Variants in SMCHD1 observed in about 807,000 individuals in gnomAD.
SMCHD1 encodes the protein structural maintenance of chromosomes flexible hinge domain containing 1.
Under a neutral mutation model 254.7 loss-of-function variants are expected in SMCHD1, and 78 were observed. The observed-to-expected ratio is 0.31, with a 90% CI of 0.26 to 0.37. The LOEUF (loss-of-function observed/expected upper bound fraction) is 0.37, where lower values mean the gene tolerates loss of function less well. Ranked by LOEUF, SMCHD1 falls within the 10% of genes least tolerant of loss-of-function variation. The pLI, the probability that SMCHD1 is intolerant of heterozygous loss-of-function variation, is 1.00. For synonymous variants in SMCHD1, 766 were observed against 794.9 expected (o/e 0.96, Z 0.61); for missense variants, 1,840 against 2,408.1 (o/e 0.76, Z 4.94).
In SMCHD1 at chr18:2,803,657, G is replaced by C. The variant is rs886494826; in HGVS notation, c.*1105G>C. The C allele has an allele frequency of 2.0e-5, 3 of 149,868 alleles. No individual in the cohort carries two copies. The highest frequency in any genetic ancestry group is 7.4e-5 in the African/African-American group (3 of 40,738). The allele number at this position is 149,868 out of a possible 1,614,324, so 9.3% of individuals were successfully genotyped here. On this transcript the variant is annotated 3_prime_UTR_variant, in exon 48 of 48. Transcript: ENST00000320876. ...TTTTAAAATTGGAAGCTTCATAAAA[G>C]TTATCTTGTTAAAAAACGATGATGA... is the stretch of plus-strand genomic sequence containing the variant.
intron 5 of SMCHD1, among the ~76,000 whole-genome samples, chr18:2,676,775 TAC>T (rs745465819): frequency 3.9e-5 from 6 of 152,052 alleles, no homozygotes; most frequent in East Asian, 1.9e-4. Flanking sequence ...TCTACACACT[TAC>T]ACACACACAC....
intron 1 of SMCHD1, among the ~76,000 whole-genome samples, chr18:2,657,500 GT>G (rs1379154452): frequency 2.6e-5 from 4 of 152,094 alleles, no homozygotes; most frequent in Non-Finnish European, 4.4e-5. Context: ...CGTTTATTGT[GT>G]TTATAGTAAA....
At chr18:2,750,528 A>C (rs771821086) in intron 32 of SMCHD1, 21 bp downstream of exon 32, 19 of 1,555,024 alleles carry the variant, frequency 1.2e-5, no homozygotes, top group Non-Finnish European at 1.5e-5. Flanking sequence ...CACATACATA[A>C]ATAAATCTAT....
intron 19 of SMCHD1, among the ~76,000 whole-genome samples, chr18:2,719,734 G>T (rs1317650057): frequency 4.7e-5 from 7 of 150,290 alleles, no homozygotes; most frequent in African/African-American, 1.7e-4. Context: ...GGAGTGCAAT[G>T]GTGTGATCTC....
rs2076208091 is a variant in SMCHD1 at position 2,784,431 on chromosome 18, A to G, written c.5548-19A>G. The G allele has an allele frequency of 1.3e-6, 2 of 1,586,664 alleles. No homozygotes were observed. Among genetic ancestry groups the G allele is most frequent in the Non-Finnish European group, 1.7e-6 (2 of 1,167,442 alleles). ...TGAAATAAGTTGCTCACTACTTACT[A>G]TTCACTTATTTACAATAGGTTGTTA... On this transcript the variant is annotated intron_variant, in intron 44 of 47. Transcript: ENST00000320876.
chr18:2,802,005 C>G (rs1349602281), intron 47 of SMCHD1, among the ~76,000 whole-genome samples: 1 of 151,966 alleles, frequency 6.6e-6, no homozygotes, highest in Non-Finnish European at 1.5e-5. Flanking sequence ...TATGTATCAT[C>G]TTCTATTTGG....
rs755255499 is a variant in SMCHD1, at chr18:2,656,224, G to A, written c.149G>A (p.Arg50His). The A allele has an allele frequency of 1.3e-6, 2 of 1,503,576 alleles. No homozygotes were observed. The highest frequency in any genetic ancestry group is 8.8e-7 in the Non-Finnish European group (1 of 1,134,826). The allele number at this position is 1,503,576 out of a possible 1,614,324, so 93.1% of individuals were successfully genotyped here. ...GACCGGCCTCTGCAGGTCGGGGAGC[G>A]CTCGGACTACGCGGGATTTCGCGCG... ...LGDRPLQVGE[R>H]SDYAGFRACV... Residue 50 changes from arginine to histidine, a missense_variant, in exon 1 of 48, where the codon CGC becomes CAC. Around this residue, in one of 9 missense-constraint regions of SMCHD1, gnomAD observed 115 missense variants for 99.1 expected, o/e 1.16. Coordinates refer to ENST00000320876, the MANE Select transcript of SMCHD1 (RefSeq NM_015295.3).
intron 47 of SMCHD1, among the ~76,000 whole-genome samples, chr18:2,798,502 A>G (rs1375192290): frequency 3.9e-5 from 6 of 152,166 alleles, no homozygotes; most frequent in Admixed American, 2.0e-4. Context: ...TGACTGTGAA[A>G]ATTTATGTAT....
At chr18:2,794,678 A>T (rs752981987) in intron 45 of SMCHD1, among the ~76,000 whole-genome samples, 2 of 152,170 alleles carry the variant, frequency 1.3e-5, no homozygotes, top group Non-Finnish European at 2.9e-5. Context: ...TTCAAAATTT[A>T]TTTTTATGGC....
intron 17 of SMCHD1, among the ~76,000 whole-genome samples, chr18:2,713,407 C>T (rs564913951): frequency 6.6e-6 from 1 of 152,204 alleles, no homozygotes; most frequent in South Asian, 2.1e-4. Flanking sequence ...GAACATGTTT[C>T]TTTCTCTATT....
chr18:2,762,017 A>C (rs1027627910), intron 35 of SMCHD1, 88 bp from the exon 36 acceptor site: 17 of 966,800 alleles, frequency 1.8e-5, no homozygotes, highest in Non-Finnish European at 2.6e-5. Flanking sequence ...AATTTTATTT[A>C]GTATGTGCCA....
rs979677378 is a variant in SMCHD1 at position 2,730,176 on chromosome 18, A to G, written c.3048+767A>G. Among the ~76,000 whole-genome samples, 19 of 151,120 alleles carry G rather than the reference A, an allele frequency of 1.3e-4. No homozygotes were observed. The South Asian group carries it at 1.3e-3, about 10-fold the overall frequency. The stretch of plus-strand genomic sequence containing the variant: ...ACACAAAGGGATTTTTTTTATTTCT[A>G]TTTATATTTTTTGAGATGGAATCTT... On this transcript the variant is annotated intron_variant, in intron 24 of 47. Coordinates refer to ENST00000320876, the MANE Select transcript of SMCHD1 (RefSeq NM_015295.3).
rs2075987386 is a variant in SMCHD1, at chr18:2,771,694, T to G, written c.5052+76T>G. ...AATTTTCTCAATTATTCAGTTTTTATTAGGAATTCTGAGTATTGTTGTTTT... is the reference window on the plus strand; with the variant it reads ...AATTTTCTCAATTATTCAGTTTTTAGTAGGAATTCTGAGTATTGTTGTTTT... On this transcript the variant is annotated intron_variant, in intron 40 of 47. Transcript: ENST00000320876. 3.4e-6 allele frequency: 4 copies of G among 1,167,610 alleles called. No individual in the cohort carries two copies. In the African/African-American group the frequency reaches 6.4e-5, roughly 19 times the overall value. 72.3% of individuals were successfully genotyped at this position (1,167,610 alleles called of 1,614,324 possible).
Position 2,762,230 on chromosome 18 carries a change from T to C in SMCHD1, c.4560T>C (p.Ser1520=), listed in dbSNP as rs747452922. The C allele has an allele frequency of 1.9e-6, 3 of 1,613,362 alleles. No individual in the cohort carries two copies. The highest frequency in any genetic ancestry group is 4.5e-5 in the East Asian group (2 of 44,840). Residue 1520 remains serine (S), a synonymous_variant, in exon 36 of 48, where the codon AGT becomes AGC. Transcript: ENST00000320876. ...SRTLVRDLHL[S]ITDDYDNHTG... ...CCTTGGTCAGAGATCTACATCTTAG[T>C]ATCACGGTAATGTTTATTTTCTTCC...
chr18:2,668,896 G>A (rs983190375), intron 3 of SMCHD1, among the ~76,000 whole-genome samples: 4 of 151,794 alleles, frequency 2.6e-5, no homozygotes, highest in East Asian at 1.9e-4. Flanking sequence ...CTTGACTTTC[G>A]AGGGTCCATA....
intron 15 of SMCHD1, 174 bp from the exon 16 acceptor site, chr18:2,707,389 A>T: frequency 2.7e-6 from 1 of 374,902 alleles, no homozygotes; most frequent in Non-Finnish European, 4.8e-6. Flanking sequence ...CAGTAGCCAC[A>T]GGAATGGTTA....
chr18:2,765,832 C>CT (rs2075856882), intron 37 of SMCHD1, among the ~76,000 whole-genome samples: 1 of 152,038 alleles, frequency 6.6e-6, no homozygotes, highest in African/African-American at 2.4e-5. Context: ...TTCTTGTGCT[C>CT]TAACAAAAAT....
intron 5 of SMCHD1, among the ~76,000 whole-genome samples, chr18:2,682,436 C>T (rs182553703): frequency 3.3e-5 from 5 of 152,036 alleles, no homozygotes; most frequent in Admixed American, 1.3e-4. Context: ...AGCAGTCCTG[C>T]CTCAGCCACC....
chr18:2,707,687 C>G (rs1026370181), intron 16 of SMCHD1, 42 bp downstream of exon 16: 1 of 1,503,244 alleles, frequency 6.7e-7, no homozygotes, highest in African/African-American at 1.4e-5. Context: ...GTGTGCTTTT[C>G]TTTTGTCTTA....
Sources: gnomAD v4.1 joint callset for allele counts (sites outside exome capture counted in the v4.1 genomes callset) on GRCh38, gnomAD v4.1.1 for gene constraint, gnomAD v4.1.1 regional missense constraint, MANE v1.5 for transcripts, NCBI Gene and HGNC (gene_info 2026-07-23, HGNC 2026-07-21) for gene names.